SNX2: variants seen among roughly 807,000 people sequenced by gnomAD.
The protein encoded by SNX2 is sorting nexin-2.
In SNX2, 25 loss-of-function variants were observed where a neutral mutation model predicts 69.9. The observed-to-expected ratio is 0.36, with a 90% CI of 0.26 to 0.50. The LOEUF (loss-of-function observed/expected upper bound fraction) is 0.50. Among genes scored for constraint, SNX2 ranks in the 20% least tolerant of loss-of-function variants. The pLI is 0.97. For missense variants in SNX2, 551 were observed against 613.3 expected (o/e 0.90, Z 1.07); for synonymous variants, 229 against 200.4 (o/e 1.14, Z -1.20).
At chr5:122,776,647 T>C (rs889664064) in intron 1 of SNX2, among the ~76,000 whole-genome samples, 1 of 152,192 alleles carries the variant, frequency 6.6e-6, no homozygotes, top group Non-Finnish European at 1.5e-5. Context: ...AACATGTACA[T>C]GTGTTGAAAG....
intron 1 of SNX2, 58 bp from the exon 2 acceptor site, chr5:122,795,208 C>A: frequency 9.1e-7 from 1 of 1,101,024 alleles, no homozygotes. Context: ...TACATGGTGA[C>A]AGAATTACAA....
At chr5:122,783,273 G>T (rs747791170) in intron 1 of SNX2, among the ~76,000 whole-genome samples, 2 of 152,020 alleles carry the variant, frequency 1.3e-5, no homozygotes, top group Admixed American at 6.6e-5. Context: ...TTGATTAACC[G>T]TATCTTTCTC....
At position 122,819,518 on chromosome 5, in the gene SNX2, T is replaced by G. The variant is rs1753968417; in HGVS notation, c.1212+495T>G. 1.3e-5 allele frequency among the ~76,000 whole-genome samples: 2 copies of G among 152,206 alleles called. 1 individual carries two copies. Among genetic ancestry groups the G allele is most frequent in the South Asian group, 4.1e-4 (2 of 4,836 alleles). On this transcript the variant is annotated intron_variant, in intron 11 of 14. Coordinates refer to ENST00000379516, the MANE Select transcript of SNX2 (RefSeq NM_003100.4). ...GTTTATAGATGAGATGGGACTAGAT[T>G]AGATCATAAATTGTGTTATTGAATG...
chr5:122,812,773 G>C (rs1023280242), intron 7 of SNX2, among the ~76,000 whole-genome samples: 20 of 152,296 alleles, frequency 1.3e-4, no homozygotes, highest in African/African-American at 4.8e-4. Context: ...TTAATAGGTA[G>C]TAAGAGCTCA....
intron 7 of SNX2, among the ~76,000 whole-genome samples, chr5:122,809,136 C>CT (rs1230723377): frequency 6.6e-6 from 1 of 152,070 alleles, no homozygotes; most frequent in East Asian, 1.9e-4. Flanking sequence ...AACAATACAG[C>CT]TTAACAACTG....
chr5:122,794,578 G>T (rs1345788051), intron 1 of SNX2, among the ~76,000 whole-genome samples: 2 of 152,118 alleles, frequency 1.3e-5, no homozygotes, highest in Admixed American at 1.3e-4. Flanking sequence ...AAACAAACAT[G>T]GCAATAACAA....
intron 3 of SNX2, among the ~76,000 whole-genome samples, chr5:122,800,887 A>C (rs995931485): frequency 3.9e-5 from 6 of 152,212 alleles, no homozygotes; most frequent in Non-Finnish European, 8.8e-5. Context: ...AGAATAACAA[A>C]GCTTTCCTGC....
chr5:122,827,933 G>C, intron 14 of SNX2: 1 of 283,682 alleles, frequency 3.5e-6, no homozygotes, highest in South Asian at 8.8e-5. Context: ...TTTCTAGTTT[G>C]TTTTCCTTGT....
chr5:122,797,963 G>T (rs1362828022), intron 2 of SNX2, among the ~76,000 whole-genome samples: 1 of 152,100 alleles, frequency 6.6e-6, no homozygotes, highest in Admixed American at 6.5e-5. Context: ...TATCAGTAAA[G>T]TAAAATGTGA....
chr5:122,814,553 A>G (rs1249846238), intron 7 of SNX2, among the ~76,000 whole-genome samples: 3 of 152,176 alleles, frequency 2.0e-5, no homozygotes, highest in Non-Finnish European at 4.4e-5. Context: ...TTATCAATGT[A>G]TAGAATTTGA....
chr5:122,792,119 G>A (rs542615103), intron 1 of SNX2, among the ~76,000 whole-genome samples: 3 of 152,230 alleles, frequency 2.0e-5, no homozygotes, highest in Admixed American at 2.0e-4. Flanking sequence ...TGAGAATTTG[G>A]GACTTTAAGA....
chr5:122,826,944 C>T (rs889245899), intron 12 of SNX2, among the ~76,000 whole-genome samples: 1 of 151,706 alleles, frequency 6.6e-6, no homozygotes, highest in Admixed American at 6.6e-5. Context: ...AAAATATTTC[C>T]ATCAGCATAT....
At chr5:122,775,042 C>T (rs1752821962), upstream of SNX2, 1 of 1,469,620 alleles carries the variant, frequency 6.8e-7, no homozygotes, top group East Asian at 2.8e-5. Flanking sequence ...CGGGCCCAGC[C>T]GTGCGTGCTC....
chr5:122,815,860 C>G (rs764295469), intron 7 of SNX2, 36 bp from the exon 8 acceptor site: 2 of 1,117,534 alleles, frequency 1.8e-6, no homozygotes, highest in African/African-American at 3.2e-5. Flanking sequence ...ATTCAAGATG[C>G]TACTGATAAA....
intron 7 of SNX2, chr5:122,808,582 A>G: frequency 2.8e-6 from 1 of 358,686 alleles, no homozygotes; most frequent in Non-Finnish European, 5.0e-6. Flanking sequence ...GTCTAACAAA[A>G]TAACACTTGT....
intron 11 of SNX2, 138 bp from the exon 12 acceptor site, chr5:122,825,912 T>A: frequency 1.4e-6 from 1 of 690,254 alleles, no homozygotes; most frequent in Non-Finnish European, 2.2e-6. Flanking sequence ...ATTGGCATAC[T>A]TACTTTCAGT....
chr5:122,816,418 T>C (rs1351370195), intron 8 of SNX2, among the ~76,000 whole-genome samples: 2 of 152,188 alleles, frequency 1.3e-5, no homozygotes. Flanking sequence ...ATTTGAAATG[T>C]TTGGTATATT....
chr5:122,786,834 A>G (rs1167016953), intron 1 of SNX2, among the ~76,000 whole-genome samples: 9 of 151,778 alleles, frequency 5.9e-5, no homozygotes, highest in Non-Finnish European at 1.3e-4. Context: ...TCTGTTGGGG[A>G]GGGAGGCTTT....
intron 1 of SNX2, among the ~76,000 whole-genome samples, chr5:122,784,901 A>AT (rs949299995): frequency 6.6e-6 from 1 of 152,200 alleles, no homozygotes; most frequent in African/African-American, 2.4e-5. Context: ...GACAAATTCA[A>AT]TTTTTTAAAT....
Sources: gnomAD v4.1 joint callset for allele counts (sites outside exome capture counted in the v4.1 genomes callset) on GRCh38, gnomAD v4.1.1 for gene constraint, MANE v1.5 for transcripts, NCBI Gene and HGNC (gene_info 2026-07-23, HGNC 2026-07-21) for gene names.